The following CSGALNACT1 variants were observed in gnomAD, a reference collection of about 807,000 sequenced individuals.
CSGALNACT1 encodes chondroitin sulfate N-acetylgalactosaminyltransferase 1.
A neutral mutation model predicts 51.0 loss-of-function variants in CSGALNACT1; 52 were observed. The observed-to-expected ratio is 1.02, with a 90% confidence interval of 0.82 to 1.29. CSGALNACT1 has a LOEUF of 1.29. CSGALNACT1 is among the 50% of genes most tolerant of loss of function. CSGALNACT1 has a pLI of 0.00. For missense variants in CSGALNACT1, 935 were observed against 679.2 expected (o/e 1.38, Z -4.19); for synonymous variants, 341 against 254.4 (o/e 1.34, Z -3.24).
intron 4 of CSGALNACT1, among the ~76,000 whole-genome samples, chr8:19,496,369 C>T (rs1158652206): frequency 1.3e-5 from 2 of 152,184 alleles, no homozygotes; most frequent in African/African-American, 2.4e-5. Context: ...CATTCCCACT[C>T]ATGAGTAAAA....
At chr8:19,670,296 A>C (rs538007868) in intron 1 of CSGALNACT1, among the ~76,000 whole-genome samples, 1 of 152,292 alleles carries the variant, frequency 6.6e-6, no homozygotes, top group South Asian at 2.1e-4. Context: ...GCTTTTGTGG[A>C]ATTGAATAAT....
intron 3 of CSGALNACT1, among the ~76,000 whole-genome samples, chr8:19,529,639 A>G (rs1013070061): frequency 6.6e-6 from 1 of 152,206 alleles, no homozygotes; most frequent in Admixed American, 6.5e-5. Flanking sequence ...GTGTCTATTC[A>G]TTAAAACTTC....
At position 19,552,356 on chromosome 8, in the gene CSGALNACT1, T is replaced by C. The variant is rs548769560; in HGVS notation, c.-297+38804A>G. On this transcript the variant is annotated intron_variant, in intron 3 of 9. Transcript: ENST00000454498. The stretch of plus-strand genomic sequence containing the variant: ...CAGAAGAGGGTGTAGAGTTTTCTTT[T>C]CTGGAATAATATTAAAAGTGAAAAT... Among the ~76,000 whole-genome samples the C allele has an allele frequency of 1.5e-4, 23 of 152,314 alleles. No individual in the cohort carries two copies. In the East Asian group the frequency reaches 4.4e-3, roughly 29 times the overall value.
intron 1 of CSGALNACT1, among the ~76,000 whole-genome samples, chr8:19,632,266 T>C (rs907117095): frequency 5.9e-5 from 9 of 152,262 alleles, no homozygotes; most frequent in African/African-American, 2.2e-4. Flanking sequence ...TGGAAAATTA[T>C]TGGCAAGGAT....
intron 4 of CSGALNACT1, among the ~76,000 whole-genome samples, chr8:19,459,916 G>T (rs1037597018): frequency 5.3e-5 from 8 of 152,330 alleles, no homozygotes; most frequent in Admixed American, 3.3e-4. Context: ...AAACTCCACA[G>T]AGTGTCACTT....
intron 7 of CSGALNACT1, among the ~76,000 whole-genome samples, chr8:19,419,920 G>A (rs75955429): frequency 0.015 from 2,295 of 152,274 alleles, 51 homozygotes; most frequent in African/African-American, 0.053. Flanking sequence ...GGACCTGGTG[G>A]GAGGTAACTG....
chr8:19,644,778 C>G (rs1276849326), intron 1 of CSGALNACT1, among the ~76,000 whole-genome samples: 4 of 145,910 alleles, frequency 2.7e-5, no homozygotes, highest in African/African-American at 5.0e-5. Context: ...AAAGCTTCTT[C>G]TAAACCAGAA....
chr8:19,665,172 C>G (rs1397182291), intron 1 of CSGALNACT1, among the ~76,000 whole-genome samples: 1 of 152,180 alleles, frequency 6.6e-6, no homozygotes, highest in Non-Finnish European at 1.5e-5. Context: ...TGCCACCACG[C>G]TTGGCTAATT....
At chr8:19,590,609 C>T (rs1195848880) in intron 3 of CSGALNACT1, among the ~76,000 whole-genome samples, 2 of 142,560 alleles carry the variant, frequency 1.4e-5, no homozygotes, top group South Asian at 2.3e-4. Flanking sequence ...GTCAATAGGA[C>T]ATAAATACTC....
At chr8:19,616,748 G>T (rs115673518) in intron 1 of CSGALNACT1, among the ~76,000 whole-genome samples, 3 of 152,004 alleles carry the variant, frequency 2.0e-5, no homozygotes, top group Admixed American at 6.6e-5. Flanking sequence ...ACCTTCCACC[G>T]TAAGTAAAAG....
chr8:19,454,509 A>C (rs1310395888), intron 5 of CSGALNACT1, among the ~76,000 whole-genome samples: 1 of 152,120 alleles, frequency 6.6e-6, no homozygotes, highest in African/African-American at 2.4e-5. Context: ...AGTCTCTACT[A>C]AAAATACAAA....
At chr8:19,604,678 C>A (rs960410335), upstream of CSGALNACT1, among the ~76,000 whole-genome samples, 12 of 148,922 alleles carry the variant, frequency 8.1e-5, no homozygotes, top group African/African-American at 3.0e-4. Flanking sequence ...GAGGCCGAGG[C>A]GGGCAGATCA....
At chr8:19,505,871 C>G (rs1168347474) in exon 4 of CSGALNACT1, 6 of 1,602,880 alleles carry the variant, frequency 3.7e-6, no homozygotes, top group Middle Eastern at 1.6e-4. Flanking sequence ...CGGTGGCATC[C>G]CTCAAAGCCG....
At chr8:19,532,171 T>TTA (rs1554673889) in intron 3 of CSGALNACT1, among the ~76,000 whole-genome samples, 2 of 147,814 alleles carry the variant, frequency 1.4e-5, no homozygotes, top group Non-Finnish European at 3.0e-5. Context: ...TTTTGGAAAT[T>TTA]AAAAAAAAAA....
chr8:19,473,157 A>G lies in CSGALNACT1; in HGVS notation c.635-14515T>C, dbSNP rs2153876139. Among the ~76,000 whole-genome samples the G allele has an allele frequency of 2.0e-5, 3 of 152,328 alleles. No homozygotes were observed. In the South Asian group the frequency reaches 6.2e-4, roughly 32 times the overall value. On this transcript the variant is annotated intron_variant, in intron 4 of 9. Coordinates refer to ENST00000454498, the Ensembl canonical transcript of CSGALNACT1. The stretch of plus-strand genomic sequence containing the variant: ...CGCCACTGTGGACCCAGAGATGTAA[A>G]GATTTTTGATATTCTGGTAAAAAGC...
chr8:19,511,611 G>C (rs1427991041), intron 3 of CSGALNACT1, among the ~76,000 whole-genome samples: 6 of 152,170 alleles, frequency 3.9e-5, no homozygotes, highest in Non-Finnish European at 1.5e-5. Context: ...GTGATAGCCA[G>C]GTTCCAAGAT....
At chr8:19,756,493 A>C (rs998694988) in intron 1 of CSGALNACT1, among the ~76,000 whole-genome samples, 6 of 152,288 alleles carry the variant, frequency 3.9e-5, no homozygotes, top group African/African-American at 1.4e-4. Context: ...CTCTGACAGG[A>C]ATGCAGGTGC....
chr8:19,556,354 G>C (rs1409153388), intron 3 of CSGALNACT1, among the ~76,000 whole-genome samples: 1 of 149,742 alleles, frequency 6.7e-6, no homozygotes, highest in Non-Finnish European at 1.5e-5. Flanking sequence ...TCCAGCCTAG[G>C]CAACAAGAGT....
At chr8:19,460,574 T>G (rs1356487942) in intron 4 of CSGALNACT1, among the ~76,000 whole-genome samples, 17 of 152,146 alleles carry the variant, frequency 1.1e-4, no homozygotes, top group Admixed American at 1.1e-3. Flanking sequence ...TCCCAGTCAC[T>G]GACTGGCTAC....
Sources: gnomAD v4.1 joint callset for allele counts (sites outside exome capture counted in the v4.1 genomes callset) on GRCh38, gnomAD v4.1.1 for gene constraint, MANE v1.5 for transcripts, NCBI Gene and HGNC (gene_info 2026-07-23, HGNC 2026-07-21) for gene names.